SCN10A: variants seen among roughly 807,000 people sequenced by gnomAD.
The protein encoded by SCN10A is sodium channel protein type 10 subunit alpha.
Under a neutral mutation model 170.7 loss-of-function variants are expected in SCN10A, and 162 were observed. The observed-to-expected ratio is 0.95, with a 90% CI of 0.84 to 1.08. The LOEUF is 1.08. SCN10A is among the 50% of genes least tolerant of loss of function. The probability of loss-of-function intolerance (pLI) is 0.00; values close to 1 mark genes in which losing one functional copy is unlikely to be tolerated. For synonymous variants in SCN10A, 985 were observed against 904.6 expected, an observed-to-expected ratio of 1.09 and a Z score of -1.59; for missense variants, 2,527 against 2,436.9, an observed-to-expected ratio of 1.04 and a Z score of -0.78.
chr3:38,751,768 T>G (rs577206764), intron 12 of SCN10A, among the ~76,000 whole-genome samples: 109 of 152,346 alleles, frequency 7.2e-4, no homozygotes, highest in African/African-American at 2.6e-3. Context: ...CAAGGAATAC[T>G]GTGCTTCTAT....
intron 11 of SCN10A, among the ~76,000 whole-genome samples, chr3:38,754,771 G>A (rs760193524): frequency 6.6e-6 from 1 of 152,152 alleles, no homozygotes; most frequent in Non-Finnish European, 1.5e-5. Flanking sequence ...AAATCTGAGG[G>A]TTGGAGAGAT....
chr3:38,808,767 C>G (rs544154423), intron 1 of SCN10A, among the ~76,000 whole-genome samples: 33 of 152,260 alleles, frequency 2.2e-4, no homozygotes, highest in African/African-American at 7.7e-4. Flanking sequence ...GAAAGAGGAG[C>G]TTGATGCTGA....
intron 4 of SCN10A, among the ~76,000 whole-genome samples, chr3:38,779,244 C>T (rs2064110276): frequency 6.6e-6 from 1 of 152,040 alleles, no homozygotes; most frequent in Non-Finnish European, 1.5e-5. Flanking sequence ...ATAAACTTCA[C>T]TTCATCCATG....
Position 38,761,256 on chromosome 3 carries a change from TTTGAGGTTGCCC to T in SCN10A, c.807_818del (p.Gly270_Lys273del). 1 of 1,613,970 alleles carries T rather than the reference TTTGAGGTTGCCC, an allele frequency of 6.2e-7. No homozygotes were observed. The highest frequency in any genetic ancestry group is 8.5e-7 in the Non-Finnish European group (1 of 1,179,902). ...CCATGTCATTCTTGACACATTTATT[TTTGAGGTTGCCC>T]TTGAAGAGTTGCAGCCCCACCAAGG... On this transcript the variant is annotated inframe_deletion, in exon 7 of 28. Coordinates refer to ENST00000449082, the MANE Select transcript of SCN10A (RefSeq NM_006514.4).
At position 38,726,716 on chromosome 3, in the gene SCN10A, C is replaced by T. The variant is rs1278645956; in HGVS notation, c.2977G>A (p.Val993Met). ...TCAGCAATGGGCACAGAGACCCACA[C>T]AGTCGGATTAGCGATGAAGTCACTG... is the stretch of plus-strand genomic sequence containing the variant. The part of the protein sequence containing the change: ...EHSDFIANPT[V>M]WVSVPIAEGE... Residue 993 changes from valine to methionine, a missense_variant, in exon 17 of 28, where the codon GTG (valine) becomes ATG (methionine). Val to Met is a conservative substitution (Grantham distance 21). Coordinates refer to ENST00000449082, the MANE Select transcript of SCN10A (RefSeq NM_006514.4). 3.1e-6 allele frequency: 5 copies of T among 1,612,918 alleles called. No homozygotes were observed. In the South Asian group the frequency reaches 4.4e-5, roughly 14 times the overall value.
intron 18 of SCN10A, 145 bp downstream of exon 18, chr3:38,725,029 A>T: frequency 1.4e-6 from 1 of 693,432 alleles, no homozygotes; most frequent in African/African-American, 1.8e-5. Flanking sequence ...GAGGGACTTT[A>T]AAAATTCCCA....
intron 13 of SCN10A, among the ~76,000 whole-genome samples, chr3:38,746,059 A>ATG (rs1171627666): frequency 0.042 from 2,757 of 65,778 alleles, 206 homozygotes; most frequent in African/African-American, 0.12. Flanking sequence ...ATGTGTGTGT[A>ATG]TGTGTATATA....
intron 15 of SCN10A, among the ~76,000 whole-genome samples, chr3:38,737,797 C>CTTT (rs2063582817): frequency 2.0e-4 from 6 of 30,714 alleles, no homozygotes; most frequent in South Asian, 1.1e-3. Flanking sequence ...TCCCTCCCTT[C>CTTT]CTCTTTCTTT....
chr3:38,810,700 T>A (rs1030440163), intron 1 of SCN10A, among the ~76,000 whole-genome samples: 1 of 152,216 alleles, frequency 6.6e-6, no homozygotes, highest in Non-Finnish European at 1.5e-5. Context: ...AGGGCAGACA[T>A]GAAAATCATT....
chr3:38,779,088 G>C (rs977229047), intron 4 of SCN10A, among the ~76,000 whole-genome samples: 2 of 85,642 alleles, frequency 2.3e-5, no homozygotes, highest in African/African-American at 8.6e-5. Context: ...TCTACTTCTA[G>C]AAATTCATCC....
chr3:38,771,687 G>A (rs943425725), intron 4 of SCN10A, among the ~76,000 whole-genome samples: 5 of 152,198 alleles, frequency 3.3e-5, no homozygotes, highest in African/African-American at 7.2e-5. Context: ...GGGCAGTAGC[G>A]GGTGAAGAGC....
At chr3:38,789,159 C>T (rs1445940066) in intron 3 of SCN10A, 123 bp from the exon 4 acceptor site, 1 of 671,662 alleles carries the variant, frequency 1.5e-6, no homozygotes, top group Non-Finnish European at 2.7e-6. Flanking sequence ...ATGATCTTGT[C>T]ACATAATAAC....
At chr3:38,769,337 C>T (rs1251306248) in intron 5 of SCN10A, among the ~76,000 whole-genome samples, 1 of 149,276 alleles carries the variant, frequency 6.7e-6, no homozygotes, top group African/African-American at 2.5e-5. Context: ...CTCCCAGGTT[C>T]AAGCAATTCT....
intron 24 of SCN10A, among the ~76,000 whole-genome samples, chr3:38,710,410 C>T (rs1377525789): frequency 6.6e-6 from 1 of 152,188 alleles, no homozygotes; most frequent in African/African-American, 2.4e-5. Context: ...CCCACCTCGG[C>T]CTCCCAAAGT....
At position 38,749,133 on chromosome 3, in the gene SCN10A, A is replaced by G. The variant is rs142520904; in HGVS notation, c.1867+940T>C. ...TGGCTTTACCTAGAAAGTAGGGCAC[A>G]CATTGGCTCTGTTTTGAAATCCCTC... On this transcript the variant is annotated intron_variant, in intron 13 of 27. Coordinates refer to ENST00000449082, the MANE Select transcript of SCN10A (RefSeq NM_006514.4). Among the ~76,000 whole-genome samples, 13 of 152,364 alleles carry G rather than the reference A, an allele frequency of 8.5e-5. No individual in the cohort carries two copies. The East Asian group carries it at 2.5e-3, about 29-fold the overall frequency.
At chr3:38,750,007 C>T in intron 13 of SCN10A, 66 bp downstream of exon 13, 1 of 865,974 alleles carries the variant, frequency 1.2e-6, no homozygotes, top group Non-Finnish European at 1.9e-6. Context: ...AGAGACATTG[C>T]TTCTGCTGCT....
chr3:38,707,314 A>G lies in SCN10A; in HGVS notation c.4351T>C (p.Ser1451Pro). Residue 1451 changes from serine (S) to proline (P), a missense_variant, in exon 26 of 28, where the codon TCC becomes CCC. Coordinates refer to ENST00000449082, the MANE Select transcript of SCN10A (RefSeq NM_006514.4). ...GGGATGGGCTTCTGGGGCTTCTTGG[A>G]GCCCAACTTCTTCATGGCATTGTAG... ...KYYNAMKKLG[S>P]KKPQKPIPRP... 3 of 1,614,044 alleles carry G rather than the reference A, an allele frequency of 1.9e-6. No homozygotes were observed. The highest frequency in any genetic ancestry group is 2.2e-5 in the East Asian group (1 of 44,872).
rs539215014 is a variant in SCN10A at position 38,709,585 on chromosome 3, C to T, written c.4174G>A (p.Val1392Met). 5.4e-5 allele frequency: 87 copies of T among 1,609,108 alleles called. No individual in the cohort carries two copies. Among genetic ancestry groups the T allele is most frequent in the South Asian group, 4.8e-4 (43 of 89,878 alleles). ...ATGACAAAGTACAAATACATGTACACGTTGTCCTCCCACTTGGGTTGCATG... is the reference window on the plus strand; with the variant it reads ...ATGACAAAGTACAAATACATGTACATGTTGTCCTCCCACTTGGGTTGCATG... ...VNMQPKWEDNVYMYLYFVIFI... is the reference protein window; with the variant it reads ...VNMQPKWEDNMYMYLYFVIFI... The change falls in exon 25 of 28, where the codon GTG (valine) becomes ATG (methionine). Residue 1392 changes from valine (V) to methionine (M), a missense_variant. Physicochemically the swap from Val to Met is conservative, Grantham distance 21. Coordinates refer to ENST00000449082, the MANE Select transcript of SCN10A (RefSeq NM_006514.4).
chr3:38,752,084 A>G (rs2063752742), intron 12 of SCN10A, 135 bp downstream of exon 12: 1 of 709,322 alleles, frequency 1.4e-6, no homozygotes. Context: ...ATGTCTGTAA[A>G]AAAGGAGTAG....
Sources: allele counts gnomAD v4.1 joint callset (sites outside exome capture counted in the v4.1 genomes callset), GRCh38; gene constraint gnomAD v4.1.1; transcripts MANE v1.5; gene names NCBI Gene and HGNC (gene_info 2026-07-23, HGNC 2026-07-21).